The following SOCS2 variants were observed in gnomAD, a reference collection of about 807,000 sequenced individuals.
SOCS2 encodes suppressor of cytokine signaling 2, also known as CIS-2.
SOCS2 carries 10 observed loss-of-function variants against 18.6 expected under a neutral mutation model. The ratio of observed to expected loss-of-function variants is 0.54; its 90% confidence interval spans 0.33 to 0.91. The LOEUF (loss-of-function observed/expected upper bound fraction) is 0.91. Ranked by LOEUF, SOCS2 falls within the 40% of genes least tolerant of loss-of-function variation. The probability of loss-of-function intolerance (pLI) is 0.02; values close to 1 mark genes in which losing one functional copy is unlikely to be tolerated. For synonymous variants in SOCS2, 104 were observed against 104.0 expected (o/e 1.00, Z 0.00); for missense variants, 231 against 247.2 (o/e 0.93, Z 0.44).
At chr12:93,582,396 A>C (rs895447369) in intron 1 of SOCS2, among the ~76,000 whole-genome samples, 1 of 152,216 alleles carries the variant, frequency 6.6e-6, no homozygotes, top group Admixed American at 6.5e-5. Flanking sequence ...TGTGTTTTAT[A>C]TCATCCCTCT....
In SOCS2 at chr12:93,572,726, C is replaced by T. The variant is rs41477552; in HGVS notation, c.-172C>T. ...CGCGGCTGCGAGGGACTTTGTCATC[C>T]GTCCTCCAGGATCTGGGGAGAAAGA... On this transcript the variant is annotated 5_prime_UTR_variant, in exon 1 of 2. Transcript: ENST00000551556. This position sits in a 1 kb window ranked among gnomAD's most constrained non-coding sequence, Gnocchi z 5.0. 1.1e-6 allele frequency: 1 copy of T among 870,240 alleles called. No individual in the cohort carries two copies. The highest frequency in any genetic ancestry group is 1.9e-6 in the Non-Finnish European group (1 of 538,400). 53.9% of individuals were successfully genotyped at this position (870,240 alleles called of 1,614,324 possible).
chr12:93,577,296 T>C, downstream of SOCS2, among the ~76,000 whole-genome samples: 1 of 152,202 alleles, frequency 6.6e-6, no homozygotes, highest in African/African-American at 2.4e-5. Context: ...ATATTGCAAG[T>C]AGGTTGATAA....
chr12:93,617,583 G>A, the SOCS2 span, among the ~76,000 whole-genome samples: 2 of 151,878 alleles, frequency 1.3e-5, no homozygotes, highest in African/African-American at 4.8e-5. Flanking sequence ...ATTAAATGGG[G>A]CCACTGAAAT....
At chr12:93,623,401 T>C in the SOCS2 span, among the ~76,000 whole-genome samples, 1 of 151,992 alleles carries the variant, frequency 6.6e-6, no homozygotes, top group Non-Finnish European at 1.5e-5. Context: ...AAGTTCTTTT[T>C]ATTTATTTAT....
downstream of SOCS2, among the ~76,000 whole-genome samples, chr12:93,578,353 G>T (rs146415594): frequency 6.6e-6 from 1 of 152,224 alleles, no homozygotes; most frequent in South Asian, 2.1e-4. Flanking sequence ...CGTCATCTTC[G>T]TCAAGTAATC....
chr12:93,608,176 T>C, the SOCS2 span, among the ~76,000 whole-genome samples: 1 of 151,760 alleles, frequency 6.6e-6, no homozygotes, highest in Non-Finnish European at 1.5e-5. Flanking sequence ...TTTGGTTTTT[T>C]TTTTGGTAAT....
upstream of SOCS2, chr12:93,571,883 A>AGGC (rs747978490): frequency 3.5e-5 from 14 of 403,226 alleles, no homozygotes; most frequent in East Asian, 2.1e-4. Flanking sequence ...CCTGGTGCGG[A>AGGC]GGCGGCGGCG....
chr12:93,616,738 A>G, the SOCS2 span, among the ~76,000 whole-genome samples: 1 of 152,212 alleles, frequency 6.6e-6, no homozygotes, highest in Non-Finnish European at 1.5e-5. Flanking sequence ...GCATGAGGCC[A>G]TGGGGTAATG....
chr12:93,618,551 T>C, the SOCS2 span, among the ~76,000 whole-genome samples: 1 of 152,116 alleles, frequency 6.6e-6, no homozygotes, highest in African/African-American at 2.4e-5. Flanking sequence ...CCCACTGGCC[T>C]CTTTTCATTC....
chr12:93,571,413 C>T (rs1954248040), upstream of SOCS2: 1 of 152,524 alleles, frequency 6.6e-6, no homozygotes, highest in Middle Eastern at 3.4e-3. Context: ...AGCCCCTTCT[C>T]GGCGTCTGGA....
chr12:93,619,031 T>C, the SOCS2 span, among the ~76,000 whole-genome samples: 2 of 152,106 alleles, frequency 1.3e-5, no homozygotes, highest in Non-Finnish European at 2.9e-5. Flanking sequence ...AGGAACCAGG[T>C]ACAGAAACGT....
At chr12:93,598,918 G>A in the SOCS2 span, among the ~76,000 whole-genome samples, 1 of 152,150 alleles carries the variant, frequency 6.6e-6, no homozygotes, top group Non-Finnish European at 1.5e-5. Flanking sequence ...GTTCAAAATT[G>A]CTCTCCAAAG....
chr12:93,625,895 C>T, the SOCS2 span, among the ~76,000 whole-genome samples: 1 of 152,124 alleles, frequency 6.6e-6, no homozygotes, highest in African/African-American at 2.4e-5. Flanking sequence ...TATCTGAAAT[C>T]CCTCAATAAT....
At chr12:93,579,504 G>A (rs1954509458), downstream of SOCS2, among the ~76,000 whole-genome samples, 1 of 151,836 alleles carries the variant, frequency 6.6e-6, no homozygotes, top group African/African-American at 2.4e-5. Context: ...CTTTTTCAGT[G>A]TTAAGTTAAC....
At position 93,575,220 on chromosome 12, in the gene SOCS2, C is replaced by T. The variant is rs775750221; in HGVS notation, c.*41C>T. On this transcript the variant is annotated 3_prime_UTR_variant, in exon 2 of 2. Coordinates refer to ENST00000551556, the MANE Select transcript of SOCS2 (RefSeq NM_001270471.2). ...TAAACATGTCTCACATAGAGTATCT[C>T]CGAATGCAGCTATGTAAAAGAGAAC... is the stretch of plus-strand genomic sequence containing the variant. 4 of 1,408,882 alleles carry T rather than the reference C, an allele frequency of 2.8e-6. No individual in the cohort carries two copies. The East Asian group carries it at 7.1e-5, about 25-fold the overall frequency. The allele number at this position is 1,408,882 out of a possible 1,614,324, so 87.3% of individuals were successfully genotyped here.
chr12:93,617,519 T>C, the SOCS2 span, among the ~76,000 whole-genome samples: 1 of 152,170 alleles, frequency 6.6e-6, no homozygotes, highest in South Asian at 2.1e-4. Context: ...CACAGTATGT[T>C]AAATGCTGTT....
At chr12:93,614,517 TTCCTTCCTTCCTTCCTTCC>T in the SOCS2 span, among the ~76,000 whole-genome samples, 1 of 84,184 alleles carries the variant, frequency 1.2e-5, no homozygotes, top group African/African-American at 6.3e-5. Context: ...CCTTCCTTCC[TTCCTTCCTTCCTTCCTTCC>T]TTCCTTCTTT....
chr12:93,577,518 CTTTT>C (rs751932008), downstream of SOCS2, among the ~76,000 whole-genome samples: 1 of 139,302 alleles, frequency 7.2e-6, no homozygotes, highest in Non-Finnish European at 1.6e-5. Flanking sequence ...TATCCTAGCT[CTTTT>C]TTTTTTTTTT....
downstream of SOCS2, among the ~76,000 whole-genome samples, chr12:93,578,578 T>C (rs1281755543): frequency 6.6e-6 from 1 of 152,116 alleles, no homozygotes; most frequent in East Asian, 1.9e-4. Context: ...CCCAGTTTTT[T>C]TAACTTCTTA....
Sources: allele counts gnomAD v4.1 joint callset (sites outside exome capture counted in the v4.1 genomes callset), GRCh38; gene constraint gnomAD v4.1.1; non-coding constraint Gnocchi (gnomAD v3.1); transcripts MANE v1.5; gene names NCBI Gene and HGNC (gene_info 2026-07-23, HGNC 2026-07-21).